MYRIP: variants seen among roughly 807,000 people sequenced by gnomAD.
MYRIP encodes the protein rab effector MyRIP.
A neutral mutation model predicts 98.0 loss-of-function variants in MYRIP; 49 were observed. The observed-to-expected ratio is 0.50, with a 90% CI of 0.40 to 0.63. MYRIP has a LOEUF of 0.63. Ranked by LOEUF, MYRIP falls within the 30% of genes least tolerant of loss-of-function variation. The pLI is 0.00. For missense variants in MYRIP, 1,004 were observed against 1,058.2 expected (o/e 0.95, Z 0.71); for synonymous variants, 404 against 409.5 (o/e 0.99, Z 0.16).
intron 13 of MYRIP, among the ~76,000 whole-genome samples, chr3:40,246,548 A>T (rs1953212109): frequency 6.6e-6 from 1 of 152,144 alleles, no homozygotes; most frequent in South Asian, 2.1e-4. Context: ...TAACCCATGA[A>T]GATAAGCTAT....
intron 11 of MYRIP, among the ~76,000 whole-genome samples, chr3:40,227,962 C>T (rs1191247748): frequency 6.6e-6 from 1 of 152,214 alleles, no homozygotes; most frequent in Non-Finnish European, 1.5e-5. Context: ...GCTGAATTTC[C>T]CTGGCCTTAT....
rs752080540 is a variant in MYRIP at position 40,190,394 on chromosome 3, G to T, written c.1596G>T (p.Leu532=). The stretch of plus-strand genomic sequence containing the variant: ...CCAGGAGGTGGAGAAGAGCCCGACT[G>T]GGCTCAGAAGAGCCAAGCAAAGAAC... ...RRARRWRRAR[L]GSEEPSKEPS... is the part of the protein sequence containing the mutation. Residue 532 remains leucine, a synonymous_variant, in exon 10 of 17, where the codon CTG becomes CTT. Coordinates refer to ENST00000302541, the MANE Select transcript of MYRIP (RefSeq NM_015460.4). 3 of 1,613,398 alleles carry T rather than the reference G, an allele frequency of 1.9e-6. No homozygotes were observed. Among genetic ancestry groups the T allele is most frequent in the South Asian group, 2.2e-5 (2 of 91,048 alleles).
chr3:39,960,726 G>A (rs1365756094), intron 2 of MYRIP, among the ~76,000 whole-genome samples: 1 of 152,180 alleles, frequency 6.6e-6, no homozygotes. Context: ...GGATCACCAT[G>A]TGGTAGTTTA....
chr3:40,015,576 G>T (rs1946846153), intron 2 of MYRIP, among the ~76,000 whole-genome samples: 1 of 152,204 alleles, frequency 6.6e-6, no homozygotes, highest in South Asian at 2.1e-4. Context: ...CTCTGCAAGG[G>T]AGCCAGATTC....
In MYRIP at chr3:40,025,260, C is replaced by T. The variant is rs191042232; in HGVS notation, c.111-18790C>T. Among the ~76,000 whole-genome samples, 97 of 152,198 alleles carry T rather than the reference C, an allele frequency of 6.4e-4. 1 individual carries two copies. The highest frequency in any genetic ancestry group is 2.0e-3 in the African/African-American group (82 of 41,526). Reference sequence around the variant, plus strand: ...CCATTTATAACTGGTAACCACAAAGCGTATTGTTGTGTGTCATTAACATTT... The same window carrying T: ...CCATTTATAACTGGTAACCACAAAGTGTATTGTTGTGTGTCATTAACATTT... On this transcript the variant is annotated intron_variant, in intron 2 of 16. Transcript: ENST00000302541.
At chr3:40,032,446 C>G (rs1027093464) in intron 2 of MYRIP, among the ~76,000 whole-genome samples, 4 of 152,178 alleles carry the variant, frequency 2.6e-5, no homozygotes, top group African/African-American at 7.2e-5. Flanking sequence ...TTACTTCCAA[C>G]TATGTGGTCA....
intron 2 of MYRIP, among the ~76,000 whole-genome samples, chr3:39,967,434 T>C (rs1293168802): frequency 3.3e-5 from 5 of 152,186 alleles, no homozygotes. Flanking sequence ...TTTTTAGGGC[T>C]GTATATTATT....
At chr3:39,925,107 G>A (rs995154011) in intron 2 of MYRIP, among the ~76,000 whole-genome samples, 2 of 151,170 alleles carry the variant, frequency 1.3e-5, no homozygotes, top group Non-Finnish European at 2.9e-5. Context: ...ATAAGGATCA[G>A]AACTGAGATC....
At chr3:40,252,615 G>A (rs576219711) in intron 16 of MYRIP, among the ~76,000 whole-genome samples, 1 of 152,246 alleles carries the variant, frequency 6.6e-6, no homozygotes, top group South Asian at 2.1e-4. Flanking sequence ...TATACACAGA[G>A]AACTTTAGCC....
At chr3:40,055,956 T>A (rs977963013) in intron 3 of MYRIP, among the ~76,000 whole-genome samples, 5 of 152,218 alleles carry the variant, frequency 3.3e-5, no homozygotes, top group African/African-American at 1.2e-4. Flanking sequence ...AAACCATATA[T>A]GATTATTAGC....
intron 8 of MYRIP, among the ~76,000 whole-genome samples, chr3:40,177,089 T>A (rs1316772): frequency 0.24 from 34,543 of 145,864 alleles, 4,224 homozygotes; most frequent in South Asian, 0.35. Context: ...AAAAAAAAAA[T>A]GTCAGAAATA....
At chr3:40,006,397 A>G (rs1946635255) in intron 2 of MYRIP, among the ~76,000 whole-genome samples, 1 of 152,038 alleles carries the variant, frequency 6.6e-6, no homozygotes, top group South Asian at 2.1e-4. Flanking sequence ...TCAAAAAAAA[A>G]GGAGGCTGCT....
chr3:39,930,838 T>A (rs562833068), intron 2 of MYRIP, among the ~76,000 whole-genome samples: 6 of 152,116 alleles, frequency 3.9e-5, no homozygotes, highest in African/African-American at 1.4e-4. Context: ...CACTATAAAT[T>A]TAATGGCTTA....
chr3:40,195,548 G>A (rs1054961839), intron 10 of MYRIP, among the ~76,000 whole-genome samples: 2 of 152,110 alleles, frequency 1.3e-5, no homozygotes, highest in Non-Finnish European at 2.9e-5. Context: ...CTCCCACCTT[G>A]GCCTCCCAAA....
rs558490782 is a variant in MYRIP at position 39,883,484 on chromosome 3, GAC to G, written c.-30-17299_-30-17298del. Among the ~76,000 whole-genome samples the G allele has an allele frequency of 2.4e-3, 365 of 152,150 alleles. 2 individuals are homozygous for G. The highest frequency in any genetic ancestry group is 8.2e-3 in the African/African-American group (342 of 41,516). On this transcript the variant is annotated intron_variant, in intron 1 of 16. Coordinates refer to ENST00000302541, the MANE Select transcript of MYRIP (RefSeq NM_015460.4). ...AGAGTCCCCAGATACTGAGTTATCA[GAC>G]ACAGATTTAAAAATAACTATATGTT... is the stretch of plus-strand genomic sequence containing the variant.
intron 1 of MYRIP, among the ~76,000 whole-genome samples, chr3:39,818,945 A>G (rs996423190): frequency 1.3e-5 from 2 of 152,238 alleles, no homozygotes; most frequent in African/African-American, 2.4e-5. Flanking sequence ...ATTTTTGTGT[A>G]TATATAAATA....
At chr3:40,000,791 C>T (rs149055442) in intron 2 of MYRIP, among the ~76,000 whole-genome samples, 2,063 of 152,310 alleles carry the variant, frequency 0.014, 18 homozygotes, top group Non-Finnish European at 0.022. Context: ...GGGAAGCCCA[C>T]AGCCACCAAG....
chr3:40,239,199 T>C (rs1952920743), intron 12 of MYRIP, among the ~76,000 whole-genome samples: 1 of 151,796 alleles, frequency 6.6e-6, no homozygotes, highest in Non-Finnish European at 1.5e-5. Context: ...AGAATGATGA[T>C]TTCCAATTTC....
intron 11 of MYRIP, among the ~76,000 whole-genome samples, chr3:40,212,296 T>G (rs2125670744): frequency 7.0e-6 from 1 of 143,470 alleles, no homozygotes; most frequent in African/African-American, 2.5e-5. Context: ...ATATAGACTA[T>G]ATATATATGT....
Sources: allele counts gnomAD v4.1 joint callset (sites outside exome capture counted in the v4.1 genomes callset), GRCh38; gene constraint gnomAD v4.1.1; transcripts MANE v1.5; gene names NCBI Gene and HGNC (gene_info 2026-07-23, HGNC 2026-07-21).